ANTXR1: variants seen among roughly 807,000 people sequenced by gnomAD.
ANTXR1 encodes ANTXR cell adhesion molecule 1.
A neutral mutation model predicts 78.1 loss-of-function variants in ANTXR1; 19 were observed. That is an observed-to-expected ratio of 0.24 (90% CI 0.17 to 0.36). The LOEUF (loss-of-function observed/expected upper bound fraction) is 0.36. Ranked by LOEUF, ANTXR1 falls within the 10% of genes least tolerant of loss-of-function variation. The pLI is 1.00. For synonymous variants in ANTXR1, 273 were observed against 260.5 expected, an observed-to-expected ratio of 1.05 and a Z score of -0.46; for missense variants, 518 against 718.6, an observed-to-expected ratio of 0.72 and a Z score of 3.19.
intron 10 of ANTXR1, among the ~76,000 whole-genome samples, chr2:69,107,121 C>G (rs559895093): frequency 1.4e-4 from 22 of 152,006 alleles, no homozygotes; most frequent in African/African-American, 4.1e-4. Flanking sequence ...TCATCCCCCC[C>G]CCGAACGAAA....
At chr2:69,233,342 T>C (rs1675673907) in intron 17 of ANTXR1, among the ~76,000 whole-genome samples, 1 of 151,854 alleles carries the variant, frequency 6.6e-6, no homozygotes, top group Admixed American at 6.6e-5. Context: ...ACCTGTGAAT[T>C]TGGGTGCAAA....
chr2:69,013,392 A>C lies in ANTXR1; in HGVS notation c.-108A>C. The stretch of plus-strand genomic sequence containing the variant: ...GGGGAGTTGCGAGGGAGCGAGGGGG[A>C]ATAAAGGACCCGCGAGGAAGGGCCC... On this transcript the variant is annotated 5_prime_UTR_variant, in exon 1 of 18. Transcript: ENST00000303714. This position sits in a 1 kb window ranked among gnomAD's most constrained non-coding sequence, Gnocchi z 5.0. 1 of 1,469,896 alleles carries C rather than the reference A, an allele frequency of 6.8e-7. No individual in the cohort carries two copies. The highest frequency in any genetic ancestry group is 9.3e-7 in the Non-Finnish European group (1 of 1,077,640). The allele number at this position is 1,469,896 out of a possible 1,614,324, so 91.1% of individuals were successfully genotyped here.
intron 12 of ANTXR1, among the ~76,000 whole-genome samples, chr2:69,143,476 A>G (rs7579838): frequency 0.96 from 146,454 of 152,278 alleles, 70,466 homozygotes; most frequent in East Asian, 1. Context: ...TGAGTTTGAC[A>G]TATCAATAGG....
At chr2:69,213,091 GCCA>G (rs1268424523) in intron 17 of ANTXR1, among the ~76,000 whole-genome samples, 1 of 150,050 alleles carries the variant, frequency 6.7e-6, no homozygotes, top group African/African-American at 2.5e-5. Flanking sequence ...ACAGACATGA[GCCA>G]CCACCACACC....
At chr2:69,162,930 C>A (rs1169058406) in intron 13 of ANTXR1, among the ~76,000 whole-genome samples, 2 of 151,870 alleles carry the variant, frequency 1.3e-5, no homozygotes, top group Non-Finnish European at 2.9e-5. Context: ...TAGGTTGGCG[C>A]AAAAGTAATT....
intron 9 of ANTXR1, among the ~76,000 whole-genome samples, chr2:69,100,124 A>G (rs1364202437): frequency 3.3e-5 from 5 of 152,216 alleles, no homozygotes; most frequent in African/African-American, 2.4e-5. Flanking sequence ...AGCTGTACAT[A>G]TTTTGAAAGG....
chr2:69,038,373 A>C (rs1414112123), intron 1 of ANTXR1, among the ~76,000 whole-genome samples: 1 of 152,142 alleles, frequency 6.6e-6, no homozygotes, highest in African/African-American at 2.4e-5. Flanking sequence ...AATTAGCCAA[A>C]GTGGGGTTCA....
At chr2:69,242,377 T>C (rs772113087) in intron 17 of ANTXR1, among the ~76,000 whole-genome samples, 2 of 152,172 alleles carry the variant, frequency 1.3e-5, no homozygotes, top group Non-Finnish European at 2.9e-5. Context: ...TGAAAACCCC[T>C]GGGAATCCTA....
chr2:69,241,745 G>T (rs1051385489), intron 17 of ANTXR1, among the ~76,000 whole-genome samples: 2 of 152,168 alleles, frequency 1.3e-5, no homozygotes, highest in Non-Finnish European at 2.9e-5. Context: ...TGGAACACCT[G>T]ATACCACCTC....
chr2:69,058,843 G>A (rs529111919), intron 3 of ANTXR1, among the ~76,000 whole-genome samples: 2 of 152,278 alleles, frequency 1.3e-5, no homozygotes, highest in Non-Finnish European at 2.9e-5. Flanking sequence ...ATGCAGGAGT[G>A]GCCAAAATAT....
chr2:69,100,640 A>G (rs969527908), intron 9 of ANTXR1, among the ~76,000 whole-genome samples: 14 of 152,212 alleles, frequency 9.2e-5, no homozygotes, highest in African/African-American at 3.4e-4. Context: ...CTTTGAGGAA[A>G]CAAGAGAAGT....
chr2:69,126,041 C>A (rs1672525073), intron 12 of ANTXR1, among the ~76,000 whole-genome samples: 1 of 152,096 alleles, frequency 6.6e-6, no homozygotes, highest in African/African-American at 2.4e-5. Flanking sequence ...GTTGTTAGAA[C>A]CTCTCAGTAA....
chr2:69,217,738 G>A (rs1675213418), intron 17 of ANTXR1, among the ~76,000 whole-genome samples: 1 of 152,170 alleles, frequency 6.6e-6, no homozygotes, highest in Non-Finnish European at 1.5e-5. Context: ...GCAGGCCTGG[G>A]TGGAGGGCCT....
At chr2:69,074,511 A>G (rs538442020) in intron 6 of ANTXR1, among the ~76,000 whole-genome samples, 1 of 152,326 alleles carries the variant, frequency 6.6e-6, no homozygotes, top group East Asian at 1.9e-4. Flanking sequence ...TGAAAAAGAA[A>G]GATAAAGCTC....
chr2:69,083,157 T>G (rs1670947632), intron 8 of ANTXR1, among the ~76,000 whole-genome samples: 1 of 152,328 alleles, frequency 6.6e-6, no homozygotes, highest in South Asian at 2.1e-4. Context: ...AGGTGAAATC[T>G]GTCTTCCAGG....
chr2:69,142,143 C>A (rs572714230), intron 12 of ANTXR1, among the ~76,000 whole-genome samples: 71 of 152,298 alleles, frequency 4.7e-4, no homozygotes, highest in Admixed American at 1.3e-3. Flanking sequence ...CTTTTCCTGC[C>A]TCCAAAGCCC....
intron 12 of ANTXR1, among the ~76,000 whole-genome samples, chr2:69,126,188 T>C (rs2104385675): frequency 6.6e-6 from 1 of 152,310 alleles, no homozygotes; most frequent in Non-Finnish European, 1.5e-5. Context: ...TCCCTCCTAA[T>C]GCCCCCAACA....
chr2:69,089,679 A>G (rs1671164920), intron 8 of ANTXR1, among the ~76,000 whole-genome samples: 1 of 152,238 alleles, frequency 6.6e-6, no homozygotes, highest in African/African-American at 2.4e-5. Context: ...ATGCAAATAA[A>G]TGGGCGTTTC....
chr2:69,076,523 A>G (rs1202649927), intron 7 of ANTXR1, among the ~76,000 whole-genome samples: 1 of 152,212 alleles, frequency 6.6e-6, no homozygotes. Context: ...ATGATATATC[A>G]TTAAGTGAAT....
Sources: gnomAD v4.1 joint callset for allele counts (sites outside exome capture counted in the v4.1 genomes callset) on GRCh38, gnomAD v4.1.1 for gene constraint, Gnocchi (gnomAD v3.1) non-coding constraint, MANE v1.5 for transcripts, NCBI Gene and HGNC (gene_info 2026-07-23, HGNC 2026-07-21) for gene names.